The following CLMN variants were observed in gnomAD, a reference collection of about 807,000 sequenced individuals.
CLMN encodes calmin.
In CLMN, 57 loss-of-function variants were observed where a neutral mutation model predicts 92.7. The ratio of observed to expected loss-of-function variants is 0.61; its 90% confidence interval spans 0.50 to 0.77. The LOEUF (loss-of-function observed/expected upper bound fraction) is 0.77. Ranked by LOEUF, CLMN falls within the 30% of genes least tolerant of loss-of-function variation. CLMN has a pLI of 0.00. For missense variants in CLMN, 1,158 were observed against 1,237.5 expected (o/e 0.94, Z 0.96); for synonymous variants, 466 against 470.6 (o/e 0.99, Z 0.13).
In CLMN at chr14:95,210,867, C is replaced by T. The variant is rs139868659; in HGVS notation, c.621G>A (p.Ala207=). The change falls in exon 7 of 13, where the codon GCG becomes GCA. Residue 207 remains alanine (A), a synonymous_variant. Coordinates refer to ENST00000298912, the MANE Select transcript of CLMN (RefSeq NM_024734.4). The stretch of plus-strand genomic sequence containing the variant: ...TCCAACTGCCCGCAAAGTCCTGCAC[C>T]GCCACGCCATACCTGAAGGAAAAAC... ...VQRKTRKYGV[A]VQDFAGSWRS... The T allele has an allele frequency of 5.1e-4, 771 of 1,523,016 alleles. No individual in the cohort carries two copies. Among genetic ancestry groups the T allele is most frequent in the Non-Finnish European group, 6.5e-4 (745 of 1,143,512 alleles). The allele number at this position is 1,523,016 out of a possible 1,614,324, so 94.3% of individuals were successfully genotyped here.
intron 5 of CLMN, among the ~76,000 whole-genome samples, chr14:95,214,809 T>C (rs1426169564): frequency 6.6e-6 from 1 of 152,192 alleles, no homozygotes; most frequent in Non-Finnish European, 1.5e-5. Flanking sequence ...TTTGTGCTCA[T>C]GCTTCTCTGA....
chr14:95,305,473 A>G (rs1349152824), intron 1 of CLMN, among the ~76,000 whole-genome samples: 1 of 152,226 alleles, frequency 6.6e-6, no homozygotes, highest in African/African-American at 2.4e-5. Context: ...TGATAGGTTA[A>G]AATATGGAAT....
At chr14:95,207,422 A>T (rs557915960) in intron 8 of CLMN, among the ~76,000 whole-genome samples, 2 of 152,174 alleles carry the variant, frequency 1.3e-5, no homozygotes, top group Non-Finnish European at 1.5e-5. Flanking sequence ...TTACATTATT[A>T]TTAACTATAG....
At chr14:95,291,191 C>T (rs112734055) in intron 1 of CLMN, among the ~76,000 whole-genome samples, 1,561 of 152,338 alleles carry the variant, frequency 0.01, 28 homozygotes, top group African/African-American at 0.034. Flanking sequence ...CTGATGACAA[C>T]ATTCACCCAC....
chr14:95,308,182 G>A (rs1299980950), intron 1 of CLMN, among the ~76,000 whole-genome samples: 1 of 152,194 alleles, frequency 6.6e-6, no homozygotes, highest in Non-Finnish European at 1.5e-5. Flanking sequence ...GAAATCTTCA[G>A]TCAAGAAGTC....
At chr14:95,274,906 G>A (rs117501407) in intron 1 of CLMN, among the ~76,000 whole-genome samples, 2 of 151,328 alleles carry the variant, frequency 1.3e-5, no homozygotes, top group African/African-American at 2.4e-5. Context: ...TTGAACCCAG[G>A]GGGGCAGAGG....
intron 1 of CLMN, among the ~76,000 whole-genome samples, chr14:95,293,671 C>T (rs1900691393): frequency 6.6e-6 from 1 of 151,790 alleles, no homozygotes; most frequent in Non-Finnish European, 1.5e-5. Context: ...ACTGCGCCCC[C>T]TGTCTCCCAC....
chr14:95,230,264 C>A (rs774312080), intron 1 of CLMN, 131 bp from the exon 2 acceptor site: 5 of 819,798 alleles, frequency 6.1e-6, no homozygotes, highest in African/African-American at 1.7e-5. Context: ...AGAACAGAGG[C>A]CTTTCTGGAA....
chr14:95,232,453 G>A (rs1897920465), intron 1 of CLMN, among the ~76,000 whole-genome samples: 1 of 152,176 alleles, frequency 6.6e-6, no homozygotes, highest in Non-Finnish European at 1.5e-5. Context: ...TCATTATTTG[G>A]CAGAATGTGG....
At chr14:95,288,567 C>A (rs1488195429) in intron 1 of CLMN, among the ~76,000 whole-genome samples, 1 of 152,198 alleles carries the variant, frequency 6.6e-6, no homozygotes, top group African/African-American at 2.4e-5. Flanking sequence ...AAACACCTCA[C>A]AAAACACATC....
At chr14:95,198,044 T>C (rs1896772173) in intron 9 of CLMN, among the ~76,000 whole-genome samples, 1 of 104,550 alleles carries the variant, frequency 9.6e-6, no homozygotes, top group Non-Finnish European at 1.8e-5. Context: ...TTTTCTTTCT[T>C]TTTTTTTTTT....
At chr14:95,281,849 T>C (rs182265845) in intron 1 of CLMN, among the ~76,000 whole-genome samples, 2 of 152,340 alleles carry the variant, frequency 1.3e-5, no homozygotes, top group African/African-American at 4.8e-5. Context: ...TCACCTATTG[T>C]CAGAAGTCAC....
intron 8 of CLMN, among the ~76,000 whole-genome samples, chr14:95,205,956 G>GA (rs572058857): frequency 1.1e-3 from 165 of 152,246 alleles, no homozygotes; most frequent in African/African-American, 3.5e-3. Context: ...GATGGTAGAT[G>GA]AAACCCGTAT....
At chr14:95,314,433 A>T (rs1459911863) in intron 1 of CLMN, among the ~76,000 whole-genome samples, 1 of 152,114 alleles carries the variant, frequency 6.6e-6, no homozygotes, top group Non-Finnish European at 1.5e-5. Context: ...CCACTCATGC[A>T]TGCCGGGCTG....
chr14:95,208,829 T>TC (rs1897116999), intron 8 of CLMN, among the ~76,000 whole-genome samples: 1 of 152,216 alleles, frequency 6.6e-6, no homozygotes, highest in African/African-American at 2.4e-5. Context: ...ATGAAATCTC[T>TC]CACCATCCTG....
At position 95,245,253 on chromosome 14, in the gene CLMN, TA is replaced by T. The variant is rs1204590536; in HGVS notation, c.83-15121del. ...TATATATATATTATATATATATATA[TA>T]ATATATATATATATATTATATATAT... On this transcript the variant is annotated intron_variant, in intron 1 of 12. Transcript: ENST00000298912. Among the ~76,000 whole-genome samples the T allele has an allele frequency of 2.7e-3, 80 of 29,870 alleles. 2 individuals are homozygous for T. The highest frequency in any genetic ancestry group is 7.0e-3 in the African/African-American group (27 of 3,870). 19.6% of individuals were successfully genotyped at this position (29,870 alleles called of 152,430 possible).
At position 95,186,144 on chromosome 14, in the gene CLMN, T is replaced by A. The variant is rs902856989; in HGVS notation, c.*5420A>T. On this transcript the variant is annotated 3_prime_UTR_variant, in exon 13 of 13. Transcript: ENST00000298912. ...AGGGCGACTAGTCGTTTCCTCTTTC[T>A]AATCTTCAGTTTTTCATCTCTTAAA... 1 of 152,238 alleles carries A rather than the reference T, an allele frequency of 6.6e-6. No individual in the cohort carries two copies. Among genetic ancestry groups the A allele is most frequent in the Non-Finnish European group, 1.5e-5 (1 of 68,038 alleles). 9.4% of individuals were successfully genotyped at this position (152,238 alleles called of 1,614,324 possible). A position where few individuals can be genotyped will look rare whatever the true frequency, so the allele number is the denominator to read the frequency against.
intron 1 of CLMN, 49 bp downstream of exon 1, chr14:95,319,662 G>A: frequency 1.3e-6 from 2 of 1,491,818 alleles, no homozygotes; most frequent in Non-Finnish European, 1.8e-6. Context: ...GCGGCGCCCC[G>A]GGCCCCCCGA....
At chr14:95,250,192 T>G (rs1898727304) in intron 1 of CLMN, among the ~76,000 whole-genome samples, 1 of 152,246 alleles carries the variant, frequency 6.6e-6, no homozygotes, top group African/African-American at 2.4e-5. Flanking sequence ...TTGTATATGA[T>G]CAAGAAATCC....
Sources: gnomAD v4.1 joint callset for allele counts (sites outside exome capture counted in the v4.1 genomes callset) on GRCh38, gnomAD v4.1.1 for gene constraint, MANE v1.5 for transcripts, NCBI Gene and HGNC (gene_info 2026-07-23, HGNC 2026-07-21) for gene names.